KCNH1: variants seen among roughly 807,000 people sequenced by gnomAD.
The protein encoded by KCNH1 is voltage-gated delayed rectifier potassium channel KCNH1.
Under a neutral mutation model 69.2 loss-of-function variants are expected in KCNH1, and 27 were observed. The observed-to-expected ratio is 0.39, with a 90% CI of 0.29 to 0.54. The LOEUF (loss-of-function observed/expected upper bound fraction) is 0.54, where lower values mean the gene tolerates loss of function less well. Among genes scored for constraint, KCNH1 ranks in the 20% least tolerant of loss-of-function variants. The probability of loss-of-function intolerance (pLI) is 0.68; values close to 1 mark genes in which losing one functional copy is unlikely to be tolerated. For synonymous variants in KCNH1, 456 were observed against 487.7 expected, an observed-to-expected ratio of 0.93 and a Z score of 0.86; for missense variants, 798 against 1,261.6, an observed-to-expected ratio of 0.63 and a Z score of 5.57.
intron 1 of KCNH1, among the ~76,000 whole-genome samples, chr1:211,111,167 A>G (rs1208933109): frequency 6.6e-6 from 1 of 152,248 alleles, no homozygotes; most frequent in African/African-American, 2.4e-5. Context: ...AGCTCCAGAT[A>G]TCACTGCAAG....
intron 6 of KCNH1, among the ~76,000 whole-genome samples, chr1:210,998,179 A>C (rs1360578822): frequency 6.6e-6 from 1 of 152,220 alleles, no homozygotes; most frequent in East Asian, 1.9e-4. Flanking sequence ...TTTAAATGTA[A>C]ATGGGCTAAA....
chr1:210,958,409 G>A (rs1416161445), intron 6 of KCNH1, among the ~76,000 whole-genome samples: 1 of 152,066 alleles, frequency 6.6e-6, no homozygotes, highest in Non-Finnish European at 1.5e-5. Context: ...TTCTCAAAAA[G>A]TATCTTTGTG....
chr1:210,984,692 T>C (rs945510522), intron 6 of KCNH1, among the ~76,000 whole-genome samples: 3 of 152,198 alleles, frequency 2.0e-5, no homozygotes, highest in African/African-American at 7.2e-5. Context: ...TTGCCAGTAT[T>C]TTATTGAGGA....
At chr1:211,009,310 T>C (rs1310161574) in intron 6 of KCNH1, among the ~76,000 whole-genome samples, 1 of 152,042 alleles carries the variant, frequency 6.6e-6, no homozygotes, top group Non-Finnish European at 1.5e-5. Context: ...TCAGAATAAG[T>C]GCAAGAAAGA....
intron 10 of KCNH1, among the ~76,000 whole-genome samples, chr1:210,741,978 T>C (rs1243779715): frequency 6.6e-6 from 1 of 152,122 alleles, no homozygotes; most frequent in Non-Finnish European, 1.5e-5. Context: ...TGAAGTTAAT[T>C]GATTAGAGAT....
intron 9 of KCNH1, among the ~76,000 whole-genome samples, chr1:210,776,804 G>A (rs1035866909): frequency 2.6e-5 from 4 of 152,124 alleles, no homozygotes; most frequent in African/African-American, 4.8e-5. Flanking sequence ...TTATCAAATC[G>A]TCTCTAACCA....
chr1:210,856,046 A>G (rs571586615), intron 7 of KCNH1, among the ~76,000 whole-genome samples: 1 of 152,276 alleles, frequency 6.6e-6, no homozygotes, highest in South Asian at 2.1e-4. Flanking sequence ...CTCTATCACC[A>G]AGATGCTTTC....
rs941105003 is a variant in KCNH1 at position 211,016,724 on chromosome 1, C to A, written c.1032+2059G>T. 2.0e-5 allele frequency among the ~76,000 whole-genome samples: 3 copies of A among 151,764 alleles called. No individual in the cohort carries two copies. The East Asian group carries it at 5.8e-4, about 29-fold the overall frequency. On this transcript the variant is annotated intron_variant, in intron 6 of 10. Coordinates refer to ENST00000271751, the MANE Select transcript of KCNH1 (RefSeq NM_172362.3). Reference sequence around the variant, plus strand: ...AGGAGTTCAAGACCAGACTGGCCAACATGGTGAAACCCCGTCTCTACTAAA... The same window carrying A: ...AGGAGTTCAAGACCAGACTGGCCAAAATGGTGAAACCCCGTCTCTACTAAA...
At chr1:210,893,070 A>G (rs1199777166) in intron 7 of KCNH1, among the ~76,000 whole-genome samples, 1 of 152,196 alleles carries the variant, frequency 6.6e-6, no homozygotes, top group Non-Finnish European at 1.5e-5. Flanking sequence ...AGTTAGCAAA[A>G]GAAGAGAAGA....
rs565347953 is a variant in KCNH1 at position 211,064,807 on chromosome 1, A to G, written c.558+17973T>C. On this transcript the variant is annotated intron_variant, in intron 5 of 10. Transcript: ENST00000271751. ...TGAATAGTAAGACAACAAAAAACCT[A>G]ATTTTTAAAAAGGCAAAGGATCTGA... 9.9e-5 allele frequency among the ~76,000 whole-genome samples: 15 copies of G among 152,280 alleles called. No individual in the cohort carries two copies. In the South Asian group the frequency reaches 2.3e-3, roughly 23 times the overall value.
chr1:210,929,545 T>A (rs997024325), intron 6 of KCNH1, among the ~76,000 whole-genome samples: 19 of 152,244 alleles, frequency 1.2e-4, no homozygotes, highest in Admixed American at 2.6e-4. Flanking sequence ...ATAAAAGCCA[T>A]CTATGACAAA....
chr1:211,096,706 T>A (rs1490647336), intron 3 of KCNH1, among the ~76,000 whole-genome samples: 1 of 152,244 alleles, frequency 6.6e-6, no homozygotes, highest in Admixed American at 6.5e-5. Context: ...ATATATCTAA[T>A]GTAATTTCAA....
Position 210,919,167 on chromosome 1 carries a change from C to T in KCNH1, c.1462+473G>A, listed in dbSNP as rs1687408864. Reference sequence around the variant, plus strand: ...TGGATATGTTAATTTGCTTTGCTGTCATAATCATTTCACTATATCAAAATC... The same window carrying T: ...TGGATATGTTAATTTGCTTTGCTGTTATAATCATTTCACTATATCAAAATC... On this transcript the variant is annotated intron_variant, in intron 7 of 10. Transcript: ENST00000271751. The surrounding 1 kb of genome is among the most constrained non-coding windows in gnomAD (Gnocchi z 4.2). 6.5e-6 allele frequency: 1 copy of T among 154,816 alleles called. No individual in the cohort carries two copies. The highest frequency in any genetic ancestry group is 2.0e-4 in the South Asian group (1 of 5,062). The allele number at this position is 154,816 out of a possible 1,614,324, so 9.6% of individuals were successfully genotyped here.
rs970413899 is a variant in KCNH1 at position 210,909,237 on chromosome 1, C to A, written c.1462+10403G>T. 2.0e-5 allele frequency among the ~76,000 whole-genome samples: 3 copies of A among 152,334 alleles called. No individual in the cohort carries two copies. In the East Asian group the frequency reaches 5.8e-4, roughly 29 times the overall value. ...CTTGATATTTAGTTCTACAAACAAA[C>A]CCTTATCAAGCTCTTCTTATACAAA... On this transcript the variant is annotated intron_variant, in intron 7 of 10. Coordinates refer to ENST00000271751, the MANE Select transcript of KCNH1 (RefSeq NM_172362.3).
chr1:210,784,178 C>A (rs1271737471), intron 9 of KCNH1, among the ~76,000 whole-genome samples: 1 of 152,196 alleles, frequency 6.6e-6, no homozygotes, highest in Non-Finnish European at 1.5e-5. Context: ...TGAAGTCCAG[C>A]CTTTCAAGTT....
At chr1:210,720,368 T>G (rs1682422802) in intron 10 of KCNH1, among the ~76,000 whole-genome samples, 1 of 152,164 alleles carries the variant, frequency 6.6e-6, no homozygotes, top group East Asian at 1.9e-4. Flanking sequence ...CAGTAAAGAT[T>G]TACATTGCAT....
Position 210,781,274 on chromosome 1 carries a change from G to A in KCNH1, c.1916-5730C>T, listed in dbSNP as rs551735491. 4.6e-5 allele frequency among the ~76,000 whole-genome samples: 7 copies of A among 152,192 alleles called. No homozygotes were observed. The South Asian group carries it at 1.2e-3, about 27-fold the overall frequency. Reference sequence around the variant, plus strand: ...TTGTTGAGTGAGTAGCTGTTTAAAGGTTTAGATCCACTACTCTGTTGGCGG... The same window carrying A: ...TTGTTGAGTGAGTAGCTGTTTAAAGATTTAGATCCACTACTCTGTTGGCGG... On this transcript the variant is annotated intron_variant, in intron 9 of 10. Transcript: ENST00000271751.
At chr1:210,686,968 A>G (rs528190716) in intron 10 of KCNH1, among the ~76,000 whole-genome samples, 10 of 152,298 alleles carry the variant, frequency 6.6e-5, no homozygotes, top group African/African-American at 1.9e-4. Flanking sequence ...TGTGGAATGT[A>G]GAACACATAA....
At chr1:210,875,980 T>C (rs1339416099) in intron 7 of KCNH1, among the ~76,000 whole-genome samples, 1 of 152,072 alleles carries the variant, frequency 6.6e-6, no homozygotes, top group African/African-American at 2.4e-5. Context: ...TCACAGGAAA[T>C]GTTTAAAAAT....
Sources: allele counts gnomAD v4.1 joint callset (sites outside exome capture counted in the v4.1 genomes callset), GRCh38; gene constraint gnomAD v4.1.1; non-coding constraint Gnocchi (gnomAD v3.1); transcripts MANE v1.5; gene names NCBI Gene and HGNC (gene_info 2026-07-23, HGNC 2026-07-21).